DPP6: variants seen among roughly 807,000 people sequenced by gnomAD.
DPP6 encodes the protein A-type potassium channel modulatory protein DPP6.
Under a neutral mutation model 122.6 loss-of-function variants are expected in DPP6, and 69 were observed. The ratio of observed to expected loss-of-function variants is 0.56; its 90% CI spans 0.46 to 0.69. The LOEUF is 0.69. DPP6 is among the 30% of genes least tolerant of loss of function. DPP6 has a pLI of 0.00. For synonymous variants in DPP6, 418 were observed against 433.1 expected, an observed-to-expected ratio of 0.97 and a Z score of 0.43; for missense variants, 928 against 1,116.9, an observed-to-expected ratio of 0.83 and a Z score of 2.41.
At chr7:154,236,778 A>G (rs1801243375) in intron 1 of DPP6, among the ~76,000 whole-genome samples, 1 of 152,106 alleles carries the variant, frequency 6.6e-6, no homozygotes, top group Non-Finnish European at 1.5e-5. Flanking sequence ...CATCCCTAAT[A>G]ACTTTGCTTT....
intron 5 of DPP6, among the ~76,000 whole-genome samples, chr7:154,590,111 A>G (rs905271957): frequency 2.0e-5 from 3 of 152,120 alleles, no homozygotes; most frequent in African/African-American, 7.2e-5. Context: ...TGGGAAAAAC[A>G]CAAACCGATT....
At chr7:154,687,155 C>T (rs989094926) in intron 7 of DPP6, among the ~76,000 whole-genome samples, 5 of 151,952 alleles carry the variant, frequency 3.3e-5, no homozygotes, top group African/African-American at 1.2e-4. Context: ...GCTTGATGTA[C>T]CCTGAGTGTA....
At chr7:154,205,769 TAAA>T (rs35151924) in intron 1 of DPP6, among the ~76,000 whole-genome samples, 66,887 of 150,282 alleles carry the variant, frequency 0.45, 17,021 homozygotes, top group East Asian at 0.62. Context: ...CTAGAATTGT[TAAA>T]AAAAAAAAAA....
At chr7:154,352,105 A>T (rs1429073158) in intron 1 of DPP6, among the ~76,000 whole-genome samples, 1 of 151,984 alleles carries the variant, frequency 6.6e-6, no homozygotes, top group Non-Finnish European at 1.5e-5. Context: ...CCATAGGCGG[A>T]CCTGGTCAGA....
intron 7 of DPP6, among the ~76,000 whole-genome samples, chr7:154,675,061 G>A (rs897731842): frequency 6.6e-5 from 10 of 152,150 alleles, no homozygotes; most frequent in Non-Finnish European, 1.5e-5. Flanking sequence ...TTCCACAGAA[G>A]GTCACAGAAT....
chr7:153,993,498 T>G (rs1309329759), intron 1 of DPP6, among the ~76,000 whole-genome samples: 1 of 152,260 alleles, frequency 6.6e-6, no homozygotes, highest in African/African-American at 2.4e-5. Flanking sequence ...TTCTTCGTGA[T>G]GTATCAACCT....
At chr7:154,075,952 A>T (rs1563172873) in intron 1 of DPP6, among the ~76,000 whole-genome samples, 1 of 151,836 alleles carries the variant, frequency 6.6e-6, no homozygotes, top group Non-Finnish European at 1.5e-5. Flanking sequence ...TAGGTGATAA[A>T]ATGTATATGC....
At chr7:154,411,556 C>G (rs1418748126) in intron 1 of DPP6, among the ~76,000 whole-genome samples, 1 of 152,070 alleles carries the variant, frequency 6.6e-6, no homozygotes, top group Non-Finnish European at 1.5e-5. Flanking sequence ...TTTTATCTCC[C>G]TAGAATATTT....
the DPP6 span, among the ~76,000 whole-genome samples, chr7:153,866,080 C>A: frequency 1.3e-5 from 2 of 152,074 alleles, no homozygotes. Flanking sequence ...GGTTCCAAGT[C>A]TTTGCTGTTG....
chr7:153,981,302 G>A (rs1281242149), intron 1 of DPP6, among the ~76,000 whole-genome samples: 9 of 152,122 alleles, frequency 5.9e-5, no homozygotes, highest in Admixed American at 4.6e-4. Flanking sequence ...ATTATGTAAT[G>A]CCCTTCCTTG....
At chr7:154,491,551 C>G (rs1824280424) in intron 3 of DPP6, among the ~76,000 whole-genome samples, 1 of 152,230 alleles carries the variant, frequency 6.6e-6, no homozygotes, top group Non-Finnish European at 1.5e-5. Flanking sequence ...TTGGAGCCTA[C>G]AATTCGTCCA....
intron 1 of DPP6, among the ~76,000 whole-genome samples, chr7:154,334,537 T>C (rs1400314765): frequency 6.6e-6 from 1 of 152,220 alleles, no homozygotes; most frequent in African/African-American, 2.4e-5. Context: ...GTCTGGAGTC[T>C]AGTTGCTGCT....
intron 1 of DPP6, among the ~76,000 whole-genome samples, chr7:154,004,056 T>C (rs1797800191): frequency 6.6e-6 from 1 of 152,198 alleles, no homozygotes; most frequent in South Asian, 2.1e-4. Context: ...TTGCTATTAG[T>C]GATCTCTCTG....
At chr7:154,086,861 C>T (rs1452681340) in intron 1 of DPP6, among the ~76,000 whole-genome samples, 1 of 152,146 alleles carries the variant, frequency 6.6e-6, no homozygotes, top group Non-Finnish European at 1.5e-5. Context: ...TCATGATCCA[C>T]CTGCCTTGGC....
At chr7:154,550,909 C>G (rs1000582544) in intron 4 of DPP6, among the ~76,000 whole-genome samples, 5 of 152,078 alleles carry the variant, frequency 3.3e-5, no homozygotes, top group African/African-American at 1.2e-4. Context: ...TGCCACCATG[C>G]CCGGCTAATT....
At chr7:154,670,232 A>G (rs1838472082) in intron 7 of DPP6, among the ~76,000 whole-genome samples, 1 of 152,100 alleles carries the variant, frequency 6.6e-6, no homozygotes, top group Admixed American at 6.6e-5. Flanking sequence ...CAACATGCAA[A>G]ACCCCCCGTG....
intron 1 of DPP6, among the ~76,000 whole-genome samples, chr7:154,085,323 C>T (rs182804501): frequency 3.9e-5 from 6 of 152,254 alleles, no homozygotes; most frequent in Admixed American, 1.3e-4. Context: ...GCAGTAATAT[C>T]TACCTCATCT....
At chr7:154,582,051 G>A (rs1832108832) in intron 5 of DPP6, among the ~76,000 whole-genome samples, 1 of 152,166 alleles carries the variant, frequency 6.6e-6, no homozygotes, top group African/African-American at 2.4e-5. Flanking sequence ...TGCCCTCTCG[G>A]TGCCCTGCTC....
intron 10 of DPP6, among the ~76,000 whole-genome samples, chr7:154,779,321 T>TCCA (rs929820452): frequency 2.4e-5 from 3 of 124,192 alleles, no homozygotes; most frequent in African/African-American, 9.8e-5. Context: ...CACCATCGCC[T>TCCA]CCACCACCAC....
Sources: gnomAD v4.1 joint callset for allele counts (sites outside exome capture counted in the v4.1 genomes callset) on GRCh38, gnomAD v4.1.1 for gene constraint, MANE v1.5 for transcripts, NCBI Gene and HGNC (gene_info 2026-07-23, HGNC 2026-07-21) for gene names.